The following GSE1 variants were observed in gnomAD, a reference collection of about 807,000 sequenced individuals.
GSE1 encodes the protein genetic suppressor element 1.
A neutral mutation model predicts 112.6 loss-of-function variants in GSE1; 32 were observed. The observed-to-expected ratio is 0.28, with a 90% CI of 0.21 to 0.38. The LOEUF is 0.38. Ranked by LOEUF, GSE1 falls within the 10% of genes least tolerant of loss-of-function variation. The probability of loss-of-function intolerance (pLI) is 1.00; values close to 1 mark genes in which losing one functional copy is unlikely to be tolerated. For synonymous variants in GSE1, 1,115 were observed against 735.6 expected, an observed-to-expected ratio of 1.52 and a Z score of -8.35; for missense variants, 2,348 against 1,699.2, an observed-to-expected ratio of 1.38 and a Z score of -6.71.
At chr16:85,331,359 G>GTATATATATATATATA (rs1192723319) in intron 1 of GSE1, among the ~76,000 whole-genome samples, 1 of 54,480 alleles carries the variant, frequency 1.8e-5, no homozygotes, top group Non-Finnish European at 4.4e-5. Context: ...GTGTGTGTGT[G>GTATATATATATATATA]TGTGTGTATA....
chr16:85,304,864 A>G (rs911662440), intron 1 of GSE1, among the ~76,000 whole-genome samples: 3 of 152,144 alleles, frequency 2.0e-5, no homozygotes, highest in African/African-American at 4.8e-5. Context: ...TTTACCTGTG[A>G]CAACTCTAAC....
At chr16:85,400,149 C>CA (rs1418240246) in intron 2 of GSE1, among the ~76,000 whole-genome samples, 4 of 152,156 alleles carry the variant, frequency 2.6e-5, no homozygotes, top group East Asian at 3.8e-4. Flanking sequence ...CTTTCAAAGG[C>CA]AAAAAAACGG....
intron 1 of GSE1, among the ~76,000 whole-genome samples, chr16:85,246,970 A>G (rs1905920760): frequency 1.3e-5 from 2 of 152,008 alleles, no homozygotes; most frequent in South Asian, 4.1e-4. Flanking sequence ...TGCTCTTAGA[A>G]TACAATTTTA....
At chr16:85,669,837 G>A (rs1235618724) in intron 14 of GSE1, among the ~76,000 whole-genome samples, 1 of 152,136 alleles carries the variant, frequency 6.6e-6, no homozygotes, top group African/African-American at 2.4e-5. Context: ...CAATGTGTGG[G>A]GTGCCCTCTT....
At chr16:85,480,970 C>T (rs971143597) in intron 2 of GSE1, among the ~76,000 whole-genome samples, 1 of 152,268 alleles carries the variant, frequency 6.6e-6, no homozygotes, top group African/African-American at 2.4e-5. Context: ...CCACCCCCTC[C>T]TGGGACAGCG....
In GSE1 at chr16:85,312,650, G is replaced by A. The variant is rs113678073; in HGVS notation, c.2284-44813G>A. Among the ~76,000 whole-genome samples the A allele has an allele frequency of 2.5e-3, 338 of 134,052 alleles. 1 individual carries two copies. Among genetic ancestry groups the A allele is most frequent in the African/African-American group, 9.2e-3 (316 of 34,426 alleles). 87.9% of individuals were successfully genotyped at this position (134,052 alleles called of 152,430 possible). A position where few individuals can be genotyped will look rare whatever the true frequency, so the allele number is the denominator to read the frequency against. On this transcript the variant is annotated intron_variant, in intron 1 of 2. Transcript: ENST00000637419. The stretch of plus-strand genomic sequence containing the variant: ...ACATTCACAGGTTCCAGCAGGACAT[G>A]GGTTTTGAGGGGATGCTATTCACTA...
chr16:85,420,635 C>T (rs1244171755), intron 2 of GSE1, among the ~76,000 whole-genome samples: 1 of 152,140 alleles, frequency 6.6e-6, no homozygotes, highest in Non-Finnish European at 1.5e-5. Flanking sequence ...GCAGATGAGG[C>T]CAGCCCACTC....
intron 2 of GSE1, among the ~76,000 whole-genome samples, chr16:85,401,505 C>T (rs974186588): frequency 6.6e-6 from 1 of 152,172 alleles, no homozygotes; most frequent in African/African-American, 2.4e-5. Flanking sequence ...CCCGCAAAGT[C>T]AGGCACCAGG....
chr16:85,542,138 G>A (rs1197274958), intron 2 of GSE1, among the ~76,000 whole-genome samples: 2 of 152,166 alleles, frequency 1.3e-5, no homozygotes, highest in Admixed American at 6.5e-5. Context: ...CCCGCTCTGC[G>A]TGTGATTGTG....
chr16:85,446,324 GTAGCTGCAATGCTC>G (rs1219471667), intron 2 of GSE1, among the ~76,000 whole-genome samples: 2 of 152,222 alleles, frequency 1.3e-5, no homozygotes, highest in African/African-American at 2.4e-5. Context: ...ACCTTGGGCG[GTAGCTGCAATGCTC>G]TCTGCCTCGG....
intron 1 of GSE1, among the ~76,000 whole-genome samples, chr16:85,182,338 G>T (rs1056348344): frequency 6.6e-6 from 1 of 152,216 alleles, no homozygotes; most frequent in Non-Finnish European, 1.5e-5. Flanking sequence ...AACCAGGCAG[G>T]CTCCAGAGGA....
At chr16:85,507,099 G>A (rs2051560991) in intron 2 of GSE1, among the ~76,000 whole-genome samples, 1 of 152,182 alleles carries the variant, frequency 6.6e-6, no homozygotes, top group African/African-American at 2.4e-5. Flanking sequence ...GGTTGGCGTG[G>A]CTGTGTGGCT....
intron 2 of GSE1, among the ~76,000 whole-genome samples, chr16:85,514,488 G>C (rs1207191198): frequency 6.6e-6 from 1 of 150,624 alleles, no homozygotes; most frequent in African/African-American, 2.4e-5. Context: ...GGACAGGGCA[G>C]TCAGGCCTGG....
In GSE1 at chr16:85,345,504, A is replaced by G. The variant is rs76672329; in HGVS notation, c.2284-11959A>G. ...GTTCCAGGAACACTCTTCCCCAGCTATCTCTGTGGCTAGTGTCCTCGTTTC... is the reference window on the plus strand; with the variant it reads ...GTTCCAGGAACACTCTTCCCCAGCTGTCTCTGTGGCTAGTGTCCTCGTTTC... On this transcript the variant is annotated intron_variant, in intron 1 of 2. Coordinates refer to the GSE1 transcript ENST00000637419. 5.6e-3 allele frequency among the ~76,000 whole-genome samples: 851 copies of G among 152,268 alleles called. 11 individuals carry two copies. The highest frequency in any genetic ancestry group is 0.019 in the African/African-American group (803 of 41,550).
chr16:85,435,085 A>G (rs2049213421), intron 2 of GSE1, among the ~76,000 whole-genome samples: 1 of 152,102 alleles, frequency 6.6e-6, no homozygotes, highest in Non-Finnish European at 1.5e-5. Context: ...GGAGGTCCCC[A>G]TTTTCATTTT....
chr16:85,535,569 C>T (rs754539243), intron 2 of GSE1, among the ~76,000 whole-genome samples: 10 of 152,196 alleles, frequency 6.6e-5, no homozygotes, highest in Non-Finnish European at 1.3e-4. Context: ...GCAAAGCCAC[C>T]GCGGCCCTCT....
At chr16:85,355,254 G>A (rs1023999339) in intron 1 of GSE1, among the ~76,000 whole-genome samples, 2 of 152,102 alleles carry the variant, frequency 1.3e-5, no homozygotes, top group Non-Finnish European at 1.5e-5. Context: ...CGGATCAACA[G>A]AAAGTTGCTT....
In GSE1 at chr16:85,373,937, G is replaced by A. The variant is rs1437424861; in HGVS notation, c.2464+16294G>A. Among the ~76,000 whole-genome samples, 1 of 152,236 alleles carries A rather than the reference G, an allele frequency of 6.6e-6. No homozygotes were observed. Among genetic ancestry groups the A allele is most frequent in the African/African-American group, 2.4e-5 (1 of 41,452 alleles). ...TCCCTCCCCGCTCCCCGCAGGCCCT[G>A]TCAGGTCAGCGGCGCCTTATCCATC... On this transcript the variant is annotated intron_variant, in intron 2 of 2. Transcript: ENST00000637419. This position sits in a 1 kb window ranked among gnomAD's most constrained non-coding sequence, Gnocchi z 5.1.
chr16:85,265,665 C>G (rs892701163), intron 1 of GSE1, among the ~76,000 whole-genome samples: 99 of 152,248 alleles, frequency 6.5e-4, no homozygotes, highest in African/African-American at 2.4e-3. Context: ...GGAGCAGGCA[C>G]TGAAAGACCA....
Sources: allele counts gnomAD v4.1 joint callset (sites outside exome capture counted in the v4.1 genomes callset), GRCh38; gene constraint gnomAD v4.1.1; non-coding constraint Gnocchi (gnomAD v3.1); transcripts MANE v1.5; gene names NCBI Gene and HGNC (gene_info 2026-07-23, HGNC 2026-07-21).